PLAG1: variants seen among roughly 807,000 people sequenced by gnomAD.
The protein encoded by PLAG1 is zinc finger protein PLAG1.
PLAG1 carries 7 observed loss-of-function variants against 35.5 expected under a neutral mutation model. That is an observed-to-expected ratio of 0.20 (90% CI 0.11 to 0.37). The LOEUF (loss-of-function observed/expected upper bound fraction) is 0.37, where lower values mean the gene tolerates loss of function less well. Ranked by LOEUF, PLAG1 falls within the 10% of genes least tolerant of loss-of-function variation. The pLI, the probability that PLAG1 is intolerant of heterozygous loss-of-function variation, is 1.00. For synonymous variants in PLAG1, 229 were observed against 225.4 expected (o/e 1.02, Z -0.14); for missense variants, 454 against 602.8 (o/e 0.75, Z 2.58).
Position 56,199,364 on chromosome 8 carries a change from T to G in PLAG1, c.-322+11757A>C, listed in dbSNP as rs551536371. Among the ~76,000 whole-genome samples, 10 of 152,224 alleles carry G rather than the reference T, an allele frequency of 6.6e-5. No individual in the cohort carries two copies. In the South Asian group the frequency reaches 2.1e-3, roughly 32 times the overall value. On this transcript the variant is annotated intron_variant, in intron 1 of 4. Transcript: ENST00000316981. ...TGCCTGGGAGGCTGTTGATGGATGT[T>G]GCCTTCAAATGCAGACTCAAAATGA...
chr8:56,201,634 T>C (rs1311917050), intron 1 of PLAG1, among the ~76,000 whole-genome samples: 3 of 152,194 alleles, frequency 2.0e-5, no homozygotes, highest in Non-Finnish European at 2.9e-5. Context: ...AAATAACATA[T>C]AATAATTAGC....
Position 56,166,249 on chromosome 8 carries a change from A to G in PLAG1, c.1497T>C (p.Phe499=). The change falls in exon 5 of 5, where the codon TTT becomes TTC. Residue 499 remains phenylalanine (F), a synonymous_variant. Coordinates refer to ENST00000316981, the MANE Select transcript of PLAG1 (RefSeq NM_002655.3). ...STTLPRFHQA[F]Q ...GAATCCATGTCCCAGAATCCTACTG[A>G]AAAGCTTGATGGAAACGTGGGAGGG... is the stretch of plus-strand genomic sequence containing the variant. 1.9e-6 allele frequency: 3 copies of G among 1,581,674 alleles called. No homozygotes were observed. The highest frequency in any genetic ancestry group is 2.6e-6 in the Non-Finnish European group (3 of 1,164,784).
At chr8:56,169,016 T>A (rs1379599049) in intron 3 of PLAG1, among the ~76,000 whole-genome samples, 1 of 152,220 alleles carries the variant, frequency 6.6e-6, no homozygotes, top group Admixed American at 6.5e-5. Flanking sequence ...ATGATTCATC[T>A]TCCTAACAAA....
intron 1 of PLAG1, among the ~76,000 whole-genome samples, chr8:56,183,615 G>T (rs1490724882): frequency 6.6e-6 from 1 of 152,142 alleles, no homozygotes; most frequent in South Asian, 2.1e-4. Context: ...ACAAACAGAA[G>T]ATTAGGAAGA....
intron 1 of PLAG1, among the ~76,000 whole-genome samples, chr8:56,194,708 A>G (rs1812306037): frequency 6.6e-6 from 1 of 152,064 alleles, no homozygotes; most frequent in African/African-American, 2.4e-5. Flanking sequence ...AACCTTTGCC[A>G]AAGTTGCTTC....
At chr8:56,211,061 A>T (rs1200568552) in intron 1 of PLAG1, 60 bp downstream of exon 1, 1 of 150,836 alleles carries the variant, frequency 6.6e-6, no homozygotes, top group Non-Finnish European at 1.5e-5. Flanking sequence ...TAATTTAAAT[A>T]ACCCTGATAT....
At chr8:56,209,006 T>C (rs1180794583) in intron 1 of PLAG1, among the ~76,000 whole-genome samples, 1 of 152,224 alleles carries the variant, frequency 6.6e-6, no homozygotes, top group African/African-American at 2.4e-5. Flanking sequence ...CCTAAAGAAA[T>C]GCCTACTGCT....
rs183507966 is a variant in PLAG1, at chr8:56,165,559, C to A, written c.*684G>T. 2 of 205,360 alleles carry A rather than the reference C, an allele frequency of 9.7e-6. No individual in the cohort carries two copies. The highest frequency in any genetic ancestry group is 5.9e-5 in the Admixed American group (1 of 16,810). The allele number at this position is 205,360 out of a possible 1,614,324, so 12.7% of individuals were successfully genotyped here. The stretch of plus-strand genomic sequence containing the variant: ...ATTTAGGGCCAACTATTAAGTGACA[C>A]GAAATGCCATGTCACCTAACAGAGT... On this transcript the variant is annotated 3_prime_UTR_variant, in exon 5 of 5. Coordinates refer to ENST00000316981, the MANE Select transcript of PLAG1 (RefSeq NM_002655.3).
intron 3 of PLAG1, among the ~76,000 whole-genome samples, chr8:56,170,134 T>G (rs909981637): frequency 1.9e-4 from 29 of 152,258 alleles, no homozygotes; most frequent in African/African-American, 6.3e-4. Context: ...CTCACTTTAT[T>G]AACATAGTAA....
chr8:56,188,607 T>C (rs1791688101), intron 1 of PLAG1, among the ~76,000 whole-genome samples: 1 of 152,206 alleles, frequency 6.6e-6, no homozygotes, highest in African/African-American at 2.4e-5. Context: ...TCTTTTGCTT[T>C]AAAAAACTTT....
rs761880159 is a variant in PLAG1, at chr8:56,167,256, C to T, written c.490G>A (p.Val164Met). 5 of 1,614,130 alleles carry T rather than the reference C, an allele frequency of 3.1e-6. No individual in the cohort carries two copies. The South Asian group carries it at 5.5e-5, about 18-fold the overall frequency. The change falls in exon 5 of 5, where the codon GTG (valine) becomes ATG (methionine). Residue 164 changes from valine to methionine, a missense_variant. Val to Met is a conservative substitution (Grantham distance 21, BLOSUM62 1). Coordinates refer to ENST00000316981, the MANE Select transcript of PLAG1 (RefSeq NM_002655.3). This position sits in a 1 kb window ranked among gnomAD's most constrained non-coding sequence, Gnocchi z 5.9. ...VCLQTFESTGVLLEHLKSHAG... is the reference protein window; with the variant it reads ...VCLQTFESTGMLLEHLKSHAG... ...TGAGATTTAAGGTGCTCCAGAAGCA[C>T]TCCCGTGCTTTCAAAAGTTTGCAAA...
intron 1 of PLAG1, among the ~76,000 whole-genome samples, chr8:56,188,365 T>C (rs1317100363): frequency 6.6e-6 from 1 of 152,248 alleles, no homozygotes; most frequent in Admixed American, 6.5e-5. Context: ...CTCTAACAGA[T>C]AGTAACTTCT....
chr8:56,186,450 C>A (rs1812019315), intron 1 of PLAG1, among the ~76,000 whole-genome samples: 1 of 152,122 alleles, frequency 6.6e-6, no homozygotes, highest in African/African-American at 2.4e-5. Flanking sequence ...TGGCTCACTG[C>A]AACCTCCGCC....
chr8:56,178,965 G>A (rs542151942), intron 2 of PLAG1, among the ~76,000 whole-genome samples: 7 of 137,242 alleles, frequency 5.1e-5, no homozygotes, highest in African/African-American at 1.7e-4. Context: ...CCATCCCTGT[G>A]AGCAAGTCTA....
At chr8:56,199,528 G>C (rs886657480) in intron 1 of PLAG1, among the ~76,000 whole-genome samples, 1 of 152,152 alleles carries the variant, frequency 6.6e-6, no homozygotes, top group Non-Finnish European at 1.5e-5. Flanking sequence ...TTATTTTTTT[G>C]ATTTGGGAAG....
In PLAG1 at chr8:56,172,500, G is replaced by A. The variant is rs564369893; in HGVS notation, c.-216-1311C>T. 2.6e-5 allele frequency among the ~76,000 whole-genome samples: 4 copies of A among 152,248 alleles called. No homozygotes were observed. The South Asian group carries it at 8.3e-4, about 32-fold the overall frequency. On this transcript the variant is annotated intron_variant, in intron 2 of 4. Coordinates refer to ENST00000316981, the MANE Select transcript of PLAG1 (RefSeq NM_002655.3). ...GGGCACATACTGAGTTTTTTGTAGGGTAATTACGAATATGAAAGACCATTT... is the reference window on the plus strand; with the variant it reads ...GGGCACATACTGAGTTTTTTGTAGGATAATTACGAATATGAAAGACCATTT...
At position 56,171,162 on chromosome 8, in the gene PLAG1, G is replaced by T; in HGVS notation, c.-189C>A. ...CATTGACTCTTCGTGGAAGAGAGTGGAATCCAATCCTTCCCATTTTGGCCA... is the reference window on the plus strand; with the variant it reads ...CATTGACTCTTCGTGGAAGAGAGTGTAATCCAATCCTTCCCATTTTGGCCA... On this transcript the variant is annotated 5_prime_UTR_variant, in exon 3 of 5. Coordinates refer to ENST00000316981, the MANE Select transcript of PLAG1 (RefSeq NM_002655.3). 2 of 979,694 alleles carry T rather than the reference G, an allele frequency of 2.0e-6. No homozygotes were observed. Among genetic ancestry groups the T allele is most frequent in the Non-Finnish European group, 2.4e-6 (2 of 824,510 alleles). The allele number at this position is 979,694 out of a possible 1,614,324, so 60.7% of individuals were successfully genotyped here.
intron 2 of PLAG1, among the ~76,000 whole-genome samples, chr8:56,172,646 T>TAAGGTG (rs1028611205): frequency 8.5e-5 from 13 of 152,184 alleles, no homozygotes; most frequent in African/African-American, 2.7e-4. Flanking sequence ...ATTGCCATTT[T>TAAGGTG]AAGGTGAGAG....
intron 2 of PLAG1, among the ~76,000 whole-genome samples, chr8:56,176,672 T>G: frequency 6.6e-6 from 1 of 152,064 alleles, no homozygotes; most frequent in East Asian, 1.9e-4. Flanking sequence ...TGCTTTTTTT[T>G]TTTTCTATAA....
Sources: gnomAD v4.1 joint callset for allele counts (sites outside exome capture counted in the v4.1 genomes callset) on GRCh38, gnomAD v4.1.1 for gene constraint, Gnocchi (gnomAD v3.1) non-coding constraint, MANE v1.5 for transcripts, NCBI Gene and HGNC (gene_info 2026-07-23, HGNC 2026-07-21) for gene names.